RPS6KA5: variants seen among roughly 807,000 people sequenced by gnomAD.
RPS6KA5 encodes the protein ribosomal protein S6 kinase A5, also known as ribosomal protein S6 kinase alpha-5.
Under a neutral mutation model 85.5 loss-of-function variants are expected in RPS6KA5, and 27 were observed. That is an observed-to-expected ratio of 0.32 (90% confidence interval 0.23 to 0.44). The LOEUF (loss-of-function observed/expected upper bound fraction) is 0.44. Among genes scored for constraint, RPS6KA5 ranks in the 20% least tolerant of loss-of-function variants. The pLI is 1.00. For synonymous variants in RPS6KA5, 334 were observed against 348.2 expected, an observed-to-expected ratio of 0.96 and a Z score of 0.46; for missense variants, 811 against 980.9, an observed-to-expected ratio of 0.83 and a Z score of 2.31.
chr14:90,948,844 C>T (rs1250133063), intron 3 of RPS6KA5, among the ~76,000 whole-genome samples: 2 of 152,102 alleles, frequency 1.3e-5, no homozygotes, highest in Non-Finnish European at 2.9e-5. Flanking sequence ...ATTTGAAAAG[C>T]GTATATCCCA....
chr14:91,004,923 G>C (rs1469188910), intron 1 of RPS6KA5, among the ~76,000 whole-genome samples: 1 of 151,410 alleles, frequency 6.6e-6, no homozygotes, highest in African/African-American at 2.4e-5. Flanking sequence ...AGCCAAGATC[G>C]CGCGCCACTG....
At chr14:90,934,725 A>G (rs2037169665) in intron 5 of RPS6KA5, among the ~76,000 whole-genome samples, 2 of 152,176 alleles carry the variant, frequency 1.3e-5, no homozygotes, top group Admixed American at 6.5e-5. Flanking sequence ...GAATAATTAT[A>G]AAGGGATCTG....
intron 1 of RPS6KA5, among the ~76,000 whole-genome samples, chr14:91,020,199 G>A (rs1472974941): frequency 3.3e-5 from 5 of 152,102 alleles, no homozygotes; most frequent in Non-Finnish European, 5.9e-5. Context: ...GGGTGTGTGT[G>A]TGTGTGTGTG....
chr14:91,050,991 G>A (rs969470212), intron 1 of RPS6KA5, among the ~76,000 whole-genome samples: 5 of 152,082 alleles, frequency 3.3e-5, no homozygotes, highest in Non-Finnish European at 7.4e-5. Flanking sequence ...CATTTGGGAG[G>A]TCGAGGCAGG....
chr14:90,926,188 T>C (rs1164337214), intron 5 of RPS6KA5, among the ~76,000 whole-genome samples: 2 of 151,898 alleles, frequency 1.3e-5, no homozygotes, highest in African/African-American at 4.8e-5. Context: ...GCGGATCACT[T>C]GAGGTCAGGA....
At chr14:90,922,180 A>C (rs180989283) in intron 6 of RPS6KA5, among the ~76,000 whole-genome samples, 48 of 152,352 alleles carry the variant, frequency 3.2e-4, no homozygotes, top group African/African-American at 1.1e-3. Flanking sequence ...TTAAAGGCAG[A>C]AACTGGGAAT....
chr14:90,942,290 TAAC>T (rs1380120660), intron 5 of RPS6KA5, among the ~76,000 whole-genome samples: 1 of 152,186 alleles, frequency 6.6e-6, no homozygotes, highest in Admixed American at 6.5e-5. Context: ...ATGTCTTTTA[TAAC>T]AACAAAGTCC....
At chr14:90,911,644 A>T (rs751185797) in intron 7 of RPS6KA5, among the ~76,000 whole-genome samples, 20 of 152,270 alleles carry the variant, frequency 1.3e-4, no homozygotes, top group Non-Finnish European at 2.6e-4. Flanking sequence ...AGCAGCCATT[A>T]CAAAATTATG....
intron 3 of RPS6KA5, among the ~76,000 whole-genome samples, chr14:90,957,193 T>C (rs929396453): frequency 6.6e-6 from 1 of 152,102 alleles, no homozygotes; most frequent in Non-Finnish European, 1.5e-5. Context: ...GCCTTCTCAG[T>C]AGCAGGAATT....
chr14:90,944,093 A>T (rs2037739959), intron 4 of RPS6KA5, among the ~76,000 whole-genome samples: 2 of 152,240 alleles, frequency 1.3e-5, no homozygotes, highest in Non-Finnish European at 2.9e-5. Flanking sequence ...CTTTGCATTT[A>T]TAAAACTTAC....
chr14:90,914,623 G>T (rs1422464597), intron 7 of RPS6KA5, among the ~76,000 whole-genome samples: 6 of 152,078 alleles, frequency 3.9e-5, no homozygotes, highest in African/African-American at 1.4e-4. Flanking sequence ...CCTATCCCTA[G>T]GTTTTTATTC....
chr14:90,926,990 G>A (rs1386094157), intron 5 of RPS6KA5, among the ~76,000 whole-genome samples: 4 of 152,048 alleles, frequency 2.6e-5, no homozygotes, highest in African/African-American at 7.2e-5. Flanking sequence ...TTGATTTGTG[G>A]AAATTTAGCA....
intron 1 of RPS6KA5, chr14:91,052,285 T>TA (rs57523052): frequency 0.012 from 2,597 of 212,402 alleles, 48 homozygotes; most frequent in Middle Eastern, 0.015. Flanking sequence ...CCATCTCTAC[T>TA]AAAAAAAAAA....
rs533096467 is a variant in RPS6KA5, at chr14:90,873,717, T to A, written c.2075A>T (p.Gln692Leu). ...AGTCATCAGAGGATTGGAGGACAGC[T>A]GACTTCCATCTTGTAGCCATTCATT... Reference protein sequence around the residue: ...RYNEWLQDGSQLSSNPLMTPD... With the variant: ...RYNEWLQDGSLLSSNPLMTPD... Residue 692 changes from glutamine to leucine, a missense_variant, in exon 16 of 17, where the codon CAG becomes CTG. By Grantham distance (113) the Gln-to-Leu change is moderately radical. This residue lies in a region of RPS6KA5 where 650 missense variants were observed against 793.4 expected (regional missense o/e 0.82). Coordinates refer to ENST00000614987, the MANE Select transcript of RPS6KA5 (RefSeq NM_004755.4). 1 of 1,614,184 alleles carries A rather than the reference T, an allele frequency of 6.2e-7. No individual in the cohort carries two copies. The highest frequency in any genetic ancestry group is 1.1e-5 in the South Asian group (1 of 91,084).
chr14:90,956,518 A>G (rs527777574), intron 3 of RPS6KA5, among the ~76,000 whole-genome samples: 2 of 152,260 alleles, frequency 1.3e-5, no homozygotes, highest in South Asian at 4.1e-4. Flanking sequence ...ATTTATTGTT[A>G]TTAACATAAT....
Position 90,906,278 on chromosome 14 carries a change from A to G in RPS6KA5, c.828T>C (p.Pro276=). ...AAGCACTCATTTCTTGGGGATATGG[A>G]GGCTCACTTTTTAATATTCTCCTGT... ...EISRRILKSE[P]PYPQEMSALA... Residue 276 remains proline (P), a synonymous_variant, in exon 8 of 17, where the codon CCT becomes CCC. Coordinates refer to ENST00000614987, the MANE Select transcript of RPS6KA5 (RefSeq NM_004755.4). 6.2e-7 allele frequency: 1 copy of G among 1,607,376 alleles called. No homozygotes were observed. Among genetic ancestry groups the G allele is most frequent in the Non-Finnish European group, 8.5e-7 (1 of 1,175,408 alleles).
intron 2 of RPS6KA5, 127 bp from the exon 3 acceptor site, chr14:90,978,651 A>T: frequency 1.6e-6 from 1 of 628,972 alleles, no homozygotes; most frequent in Non-Finnish European, 2.6e-6. Context: ...CCTTGGTACC[A>T]GTTCAAATAG....
chr14:90,911,050 T>C (rs1378080204), intron 7 of RPS6KA5, among the ~76,000 whole-genome samples: 1 of 152,102 alleles, frequency 6.6e-6, no homozygotes, highest in African/African-American at 2.4e-5. Context: ...GCTCTAACCA[T>C]CCTATCAAGA....
chr14:90,957,664 C>T (rs1054641311), intron 3 of RPS6KA5, among the ~76,000 whole-genome samples: 46 of 152,074 alleles, frequency 3.0e-4, no homozygotes, highest in African/African-American at 1.1e-3. Context: ...TAAATTCAGG[C>T]CCATTTGCAG....
Sources: gnomAD v4.1 joint callset for allele counts (sites outside exome capture counted in the v4.1 genomes callset) on GRCh38, gnomAD v4.1.1 for gene constraint, gnomAD v4.1.1 regional missense constraint, MANE v1.5 for transcripts, NCBI Gene and HGNC (gene_info 2026-07-23, HGNC 2026-07-21) for gene names.